The following CSMD1 variants were observed in gnomAD, a reference collection of about 807,000 sequenced individuals.
The protein encoded by CSMD1 is CUB and sushi domain-containing protein 1.
A neutral mutation model predicts 417.5 loss-of-function variants in CSMD1; 213 were observed. The ratio of observed to expected loss-of-function variants is 0.51; its 90% confidence interval spans 0.46 to 0.57. The LOEUF is 0.57. Among genes scored for constraint, CSMD1 ranks in the 20% least tolerant of loss-of-function variants. The probability of loss-of-function intolerance (pLI) is 0.00; values close to 1 mark genes in which losing one functional copy is unlikely to be tolerated. For missense variants in CSMD1, 6,923 were observed against 4,529.7 expected (o/e 1.53, Z -15.17); for synonymous variants, 2,862 against 1,736.8 (o/e 1.65, Z -16.11).
rs1449661799 is a variant in CSMD1 at position 4,881,417 on chromosome 8, A to G, written c.85+112915T>C. Among the ~76,000 whole-genome samples, 3 of 41,170 alleles carry G rather than the reference A, an allele frequency of 7.3e-5. No individual in the cohort carries two copies. In the South Asian group the frequency reaches 5.9e-3, roughly 81 times the overall value. 27.0% of individuals were successfully genotyped at this position (41,170 alleles called of 152,430 possible). On this transcript the variant is annotated intron_variant, in intron 1 of 69. Transcript: ENST00000635120. ...ACAAATATACCTAGTATACATATCT[A>G]TCTATCTATCTATCTATCTATCTAT...
At chr8:3,423,042 A>G (rs1411586998) in intron 12 of CSMD1, among the ~76,000 whole-genome samples, 2 of 152,228 alleles carry the variant, frequency 1.3e-5, no homozygotes, top group African/African-American at 2.4e-5. Context: ...AGCACCAGCT[A>G]GTCGAGTTGT....
chr8:4,817,589 C>T (rs1226599070), intron 1 of CSMD1, among the ~76,000 whole-genome samples: 1 of 152,164 alleles, frequency 6.6e-6, no homozygotes, highest in Non-Finnish European at 1.5e-5. Flanking sequence ...TTTGACTTTG[C>T]TCATGCAATC....
intron 7 of CSMD1, among the ~76,000 whole-genome samples, chr8:3,659,127 A>G (rs1194655698): frequency 1.3e-5 from 2 of 152,192 alleles, no homozygotes; most frequent in African/African-American, 2.4e-5. Flanking sequence ...TAGCACATAA[A>G]TCCTTAAAAT....
chr8:4,365,117 G>T (rs1051869287), intron 3 of CSMD1, among the ~76,000 whole-genome samples: 1 of 152,128 alleles, frequency 6.6e-6, no homozygotes, highest in Non-Finnish European at 1.5e-5. Context: ...CTTTAAGTGT[G>T]TAGACATATA....
chr8:3,520,337 G>A (rs1222378949), intron 10 of CSMD1, among the ~76,000 whole-genome samples: 1 of 151,988 alleles, frequency 6.6e-6, no homozygotes, highest in East Asian at 1.9e-4. Flanking sequence ...GACATAAACT[G>A]CAGAAGAATA....
intron 5 of CSMD1, among the ~76,000 whole-genome samples, chr8:3,928,284 C>T (rs982163186): frequency 6.6e-6 from 1 of 152,138 alleles, no homozygotes; most frequent in Admixed American, 6.6e-5. Flanking sequence ...ATAAATGTTA[C>T]ATTGATTATT....
rs550445497 is a variant in CSMD1 at position 4,285,544 on chromosome 8, C to G, written c.415+134409G>C. Among the ~76,000 whole-genome samples the G allele has an allele frequency of 3.5e-3, 535 of 152,332 alleles. 4 individuals carry two copies. The highest frequency in any genetic ancestry group is 0.012 in the African/African-American group (518 of 41,584). ...TTGTTTTCGGATATCAGGGCTTTCT[C>G]TCCATGGATGAGGGCAGGTTTCGCT... On this transcript the variant is annotated intron_variant, in intron 3 of 69. Coordinates refer to ENST00000635120, the MANE Select transcript of CSMD1 (RefSeq NM_033225.6).
chr8:4,075,286 GAT>G (rs1563089975), intron 3 of CSMD1, among the ~76,000 whole-genome samples: 1 of 151,940 alleles, frequency 6.6e-6, no homozygotes, highest in African/African-American at 2.4e-5. Flanking sequence ...ATGAATTGTT[GAT>G]ATATGTTTAT....
At chr8:3,572,729 C>G (rs1232943135) in intron 10 of CSMD1, among the ~76,000 whole-genome samples, 2 of 152,068 alleles carry the variant, frequency 1.3e-5, no homozygotes, top group Non-Finnish European at 2.9e-5. Context: ...CATCTCAATC[C>G]CTTTAATATA....
chr8:3,543,730 C>A (rs1175473671), intron 10 of CSMD1, among the ~76,000 whole-genome samples: 2 of 151,938 alleles, frequency 1.3e-5, no homozygotes, highest in African/African-American at 2.4e-5. Flanking sequence ...TTTAGACATG[C>A]TGTGTTTGAG....
intron 1 of CSMD1, among the ~76,000 whole-genome samples, chr8:4,772,984 A>T (rs1007339639): frequency 6.6e-6 from 1 of 152,220 alleles, no homozygotes; most frequent in Non-Finnish European, 1.5e-5. Context: ...TACATGGATG[A>T]GTATGACTTC....
chr8:3,281,110 C>T (rs1017989817), intron 26 of CSMD1, among the ~76,000 whole-genome samples: 3 of 152,054 alleles, frequency 2.0e-5, no homozygotes, highest in African/African-American at 7.2e-5. Flanking sequence ...GGCATAATTG[C>T]CAAAATTTTG....
At chr8:4,420,144 A>G (rs1273112398) in intron 2 of CSMD1, 79 bp from the exon 3 acceptor site, 8 of 960,504 alleles carry the variant, frequency 8.3e-6, no homozygotes, top group Non-Finnish European at 1.3e-5. Flanking sequence ...AAGTCACTGA[A>G]TAACTTGAAC....
intron 3 of CSMD1, among the ~76,000 whole-genome samples, chr8:4,358,251 A>G (rs1801545904): frequency 6.6e-6 from 1 of 152,190 alleles, no homozygotes; most frequent in African/African-American, 2.4e-5. Context: ...GGGCTTGTTG[A>G]ACTTTTGCTT....
chr8:4,361,827 C>A (rs146389337), intron 3 of CSMD1, among the ~76,000 whole-genome samples: 1 of 151,990 alleles, frequency 6.6e-6, no homozygotes, highest in African/African-American at 2.4e-5. Flanking sequence ...TGGTGCGGGG[C>A]GCCTGTACTC....
At chr8:3,373,021 T>G (rs1349341219) in intron 18 of CSMD1, among the ~76,000 whole-genome samples, 2 of 152,216 alleles carry the variant, frequency 1.3e-5, no homozygotes, top group African/African-American at 4.8e-5. Flanking sequence ...CAAATTTTTA[T>G]GAAGACGATC....
chr8:3,702,167 C>CT (rs1227187630), intron 7 of CSMD1: 1 of 152,140 alleles, frequency 6.6e-6, no homozygotes, highest in African/African-American at 2.4e-5. Context: ...AAAAAATCAT[C>CT]TTTTTATTAA....
chr8:4,392,223 A>G (rs555468405), intron 3 of CSMD1, among the ~76,000 whole-genome samples: 5 of 152,160 alleles, frequency 3.3e-5, no homozygotes, highest in South Asian at 2.1e-4. Flanking sequence ...TCGTTCTAAC[A>G]TTTTTCAATT....
Position 3,468,696 on chromosome 8 carries a change from T to C in CSMD1, c.1561+16A>G, listed in dbSNP as rs2117187002. On this transcript the variant is annotated intron_variant, in intron 12 of 69. Transcript: ENST00000635120. ...AATGCTAACTTCCAACCCTGTGAAG[T>C]GTAATCTCATCATACCTTGGTAAAC... 1 of 1,521,982 alleles carries C rather than the reference T, an allele frequency of 6.6e-7. No homozygotes were observed. Among genetic ancestry groups the C allele is most frequent in the Non-Finnish European group, 9.0e-7 (1 of 1,107,826 alleles). The allele number at this position is 1,521,982 out of a possible 1,614,324, so 94.3% of individuals were successfully genotyped here. A position where few individuals can be genotyped will look rare whatever the true frequency, so the allele number is the denominator to read the frequency against.
Sources: allele counts gnomAD v4.1 joint callset (sites outside exome capture counted in the v4.1 genomes callset), GRCh38; gene constraint gnomAD v4.1.1; transcripts MANE v1.5; gene names NCBI Gene and HGNC (gene_info 2026-07-23, HGNC 2026-07-21).